The following CCT2 variants were observed in gnomAD, a reference collection of about 807,000 sequenced individuals.
CCT2 encodes the protein chaperonin containing TCP1 subunit 2.
Under a neutral mutation model 61.8 loss-of-function variants are expected in CCT2, and 18 were observed. The ratio of observed to expected loss-of-function variants is 0.29; its 90% CI spans 0.20 to 0.43. The LOEUF is 0.43. Among genes scored for constraint, CCT2 ranks in the 20% least tolerant of loss-of-function variants. CCT2 has a pLI of 1.00. For missense variants in CCT2, 556 were observed against 656.9 expected, an observed-to-expected ratio of 0.85 and a Z score of 1.68; for synonymous variants, 248 against 215.9, an observed-to-expected ratio of 1.15 and a Z score of -1.30.
Position 69,601,316 on chromosome 12 carries a change from C to A in CCT2, c.1599C>A (p.His533Gln). ...ATAGGAAACGTGTCCCTGATCACCA[C>A]CCCTGTTAAGCATTCCCACGTGCTG... is the stretch of plus-strand genomic sequence containing the variant. ...AAPRKRVPDH[H>Q]PC is the part of the protein sequence containing the mutation. The change falls in exon 16 of 16, where the codon CAC becomes CAA. Residue 533 changes from histidine (H) to glutamine (Q), a missense_variant. By Grantham distance (24) the His-to-Gln change is conservative. Transcript: ENST00000299300. 1 of 1,608,598 alleles carries A rather than the reference C, an allele frequency of 6.2e-7. No homozygotes were observed. The highest frequency in any genetic ancestry group is 8.5e-7 in the Non-Finnish European group (1 of 1,178,582).
chr12:69,594,803 G>A (rs7964820), intron 10 of CCT2, among the ~76,000 whole-genome samples: 2,268 of 150,134 alleles, frequency 0.015, 66 homozygotes, highest in African/African-American at 0.052. Flanking sequence ...CTGTGATCAC[G>A]TCACTGCAGT....
Position 69,589,681 on chromosome 12 carries a change from GATGA to G in CCT2, c.645_648del (p.Asp215GlufsTer11). The stretch of plus-strand genomic sequence containing the variant: ...AGGAAGTTTGGCAGATTCCTATTTA[GATGA>G]AGGTATGTATGAATGTCAGATACAA... On this transcript the variant is annotated frameshift_variant and splice_region_variant, in exon 7 of 16. Transcript: ENST00000299300. LOFTEE classifies it high-confidence loss of function. 1 of 1,610,576 alleles carries G rather than the reference GATGA, an allele frequency of 6.2e-7. No individual in the cohort carries two copies.
chr12:69,588,342 C>T (rs1426096048), intron 6 of CCT2, 80 bp downstream of exon 6: 4 of 1,020,684 alleles, frequency 3.9e-6, no homozygotes, highest in East Asian at 2.5e-5. Context: ...CTATAGGACA[C>T]TGAAAAGCAT....
Position 69,601,429 on chromosome 12 carries a change from A to C in CCT2, c.*104A>C, listed in dbSNP as rs756311009. ...TGGAATCTGTTTATCGGTGCCCATT[A>C]TATCCTTAAGTTTGGATATTTAGCT... On this transcript the variant is annotated 3_prime_UTR_variant, in exon 16 of 16. Transcript: ENST00000299300. 6.2e-7 allele frequency: 1 copy of C among 1,605,022 alleles called. No homozygotes were observed. Among genetic ancestry groups the C allele is most frequent in the Admixed American group, 1.7e-5 (1 of 57,952 alleles).
intron 11 of CCT2, 51 bp downstream of exon 11, chr12:69,597,326 C>T (rs367718077): frequency 1.9e-6 from 3 of 1,602,034 alleles, no homozygotes; most frequent in African/African-American, 2.7e-5. Flanking sequence ...TTGCTAGGCT[C>T]TGTTGAAGTA....
At chr12:69,594,760 C>T (rs572971348) in intron 10 of CCT2, among the ~76,000 whole-genome samples, 51 of 151,712 alleles carry the variant, frequency 3.4e-4, no homozygotes, top group African/African-American at 1.2e-3. Context: ...GGCAGGAGAT[C>T]TCTTCAGCCC....
chr12:69,586,187 T>C (rs1353997040), intron 1 of CCT2, 83 bp from the exon 2 acceptor site: 14 of 1,179,960 alleles, frequency 1.2e-5, no homozygotes, highest in Non-Finnish European at 1.8e-5. Context: ...AGATGTCCAC[T>C]TGTAAGACTA....
chr12:69,586,699 T>G (rs374310498), intron 2 of CCT2, 54 bp from the exon 3 acceptor site: 22 of 1,241,066 alleles, frequency 1.8e-5, no homozygotes, highest in Non-Finnish European at 2.4e-5. Flanking sequence ...AAGATAAAAC[T>G]GTACTTGAAG....
At position 69,599,734 on chromosome 12, in the gene CCT2, T is replaced by C. The variant is rs1882096101; in HGVS notation, c.1436-129T>C. 8 of 672,274 alleles carry C rather than the reference T, an allele frequency of 1.2e-5. No homozygotes were observed. In the East Asian group the frequency reaches 2.3e-4, roughly 20 times the overall value. The allele number at this position is 672,274 out of a possible 1,614,324, so 41.6% of individuals were successfully genotyped here. A position where few individuals can be genotyped will look rare whatever the true frequency, so the allele number is the denominator to read the frequency against. ...TTCTTTGAGCTCATTTGTAGGCTTA[T>C]CTACCTACTGAGTAAAGTAGTTGGG... is the stretch of plus-strand genomic sequence containing the variant. On this transcript the variant is annotated intron_variant, in intron 14 of 15. Transcript: ENST00000299300.
At chr12:69,598,515 C>CT in intron 14 of CCT2, 94 bp downstream of exon 14, 1 of 694,532 alleles carries the variant, frequency 1.4e-6, no homozygotes, top group Non-Finnish European at 2.3e-6. Flanking sequence ...GTTACAATAA[C>CT]CGTATAAAAG....
chr12:69,596,181 T>C (rs1881984452), intron 10 of CCT2, among the ~76,000 whole-genome samples: 1 of 152,332 alleles, frequency 6.6e-6, no homozygotes, highest in African/African-American at 2.4e-5. Flanking sequence ...GTGTCTCACA[T>C]CTAGAACACA....
rs1038805763 is a variant in CCT2 at position 69,596,673 on chromosome 12, A to G, written c.983-483A>G. Among the ~76,000 whole-genome samples, 4 of 152,224 alleles carry G rather than the reference A, an allele frequency of 2.6e-5. No individual in the cohort carries two copies. The East Asian group carries it at 7.7e-4, about 29-fold the overall frequency. On this transcript the variant is annotated intron_variant, in intron 10 of 15. Transcript: ENST00000299300. ...TCATGAAGTGTATAGTGGTTGACTT[A>G]TAGGACAAATATTTTCATGTCTTGT...
At chr12:69,588,413 G>C in intron 6 of CCT2, 151 bp downstream of exon 6, 1 of 599,904 alleles carries the variant, frequency 1.7e-6, no homozygotes, top group Non-Finnish European at 2.9e-6. Context: ...TCAGCCTCCA[G>C]AGATAGCCAC....
chr12:69,588,109 A>C, intron 5 of CCT2, 41 bp from the exon 6 acceptor site: 1 of 1,563,788 alleles, frequency 6.4e-7, no homozygotes, highest in Non-Finnish European at 8.8e-7. Context: ...GTGCTTAATA[A>C]TTTTCTATTT....
intron 6 of CCT2, 142 bp from the exon 7 acceptor site, chr12:69,589,343 T>G (rs916496193): frequency 5.9e-5 from 37 of 629,610 alleles, no homozygotes; most frequent in Non-Finnish European, 9.5e-5. Flanking sequence ...TTGTGTTTCT[T>G]GATTACTGCT....
chr12:69,586,667 C>CAAA, intron 2 of CCT2, 86 bp from the exon 3 acceptor site: 127 of 808,994 alleles, frequency 1.6e-4, no homozygotes, highest in Middle Eastern at 2.8e-4. Flanking sequence ...CACTCTGCCT[C>CAAA]AAAAAAAAAA....
intron 1 of CCT2, chr12:69,586,007 G>T (rs1313800956): frequency 2.2e-6 from 3 of 1,349,796 alleles, no homozygotes; most frequent in Admixed American, 6.6e-5. Flanking sequence ...CTTTAGTCTC[G>T]CTGTACGTAA....
intron 7 of CCT2, among the ~76,000 whole-genome samples, chr12:69,591,329 C>G (rs901754375): frequency 2.6e-5 from 4 of 152,208 alleles, no homozygotes; most frequent in African/African-American, 9.7e-5. Flanking sequence ...TAACTAGCAC[C>G]TCTGCTACTG....
intron 10 of CCT2, among the ~76,000 whole-genome samples, 155 bp downstream of exon 10, chr12:69,593,768 C>G (rs763427458): frequency 6.6e-6 from 1 of 152,156 alleles, no homozygotes; most frequent in South Asian, 2.1e-4. Flanking sequence ...TACATAGATA[C>G]ATTACATTTA....
Sources: allele counts gnomAD v4.1 joint callset (sites outside exome capture counted in the v4.1 genomes callset), GRCh38; gene constraint gnomAD v4.1.1; transcripts MANE v1.5; gene names NCBI Gene and HGNC (gene_info 2026-07-23, HGNC 2026-07-21).